The following FBRSL1 variants were observed in gnomAD, a reference collection of about 807,000 sequenced individuals.
FBRSL1 encodes the protein fibrosin like 1, also known as fibrosin-1-like protein.
In FBRSL1, 51 loss-of-function variants were observed where a neutral mutation model predicts 89.6. That is an observed-to-expected ratio of 0.57 (90% CI 0.45 to 0.72). FBRSL1 has a LOEUF of 0.72. Among genes scored for constraint, FBRSL1 ranks in the 30% least tolerant of loss-of-function variants. FBRSL1 has a pLI of 0.00. For missense variants in FBRSL1, 1,618 were observed against 1,451.8 expected (o/e 1.11, Z -1.86); for synonymous variants, 779 against 681.1 (o/e 1.14, Z -2.24).
intron 5 of FBRSL1, among the ~76,000 whole-genome samples, chr12:132,557,039 C>T (rs1241341217): frequency 2.0e-5 from 3 of 152,204 alleles, no homozygotes; most frequent in Non-Finnish European, 4.4e-5. Flanking sequence ...GTTTCCAGGG[C>T]GATCCGGTGT....
Position 132,563,791 on chromosome 12 carries a change from A to G in FBRSL1, c.646-3690A>G, listed in dbSNP as rs1411599682. Among the ~76,000 whole-genome samples, 4 of 43,810 alleles carry G rather than the reference A, an allele frequency of 9.1e-5. No homozygotes were observed. The East Asian group carries it at 4.1e-3, about 45-fold the overall frequency. The allele number at this position is 43,810 out of a possible 152,430, so 28.7% of individuals were successfully genotyped here. A position where few individuals can be genotyped will look rare whatever the true frequency, so the allele number is the denominator to read the frequency against. ...GGCTGACACATACCTACGACTGTACACTCACCCCCGTCGCCCCTGAACCCC... is the reference window on the plus strand; with the variant it reads ...GGCTGACACATACCTACGACTGTACGCTCACCCCCGTCGCCCCTGAACCCC... On this transcript the variant is annotated intron_variant, in intron 5 of 18. Coordinates refer to ENST00000680143, the MANE Select transcript of FBRSL1 (RefSeq NM_001367871.1).
intron 1 of FBRSL1, among the ~76,000 whole-genome samples, chr12:132,496,420 C>T (rs535447557): frequency 2.0e-5 from 3 of 152,294 alleles, no homozygotes; most frequent in African/African-American, 4.8e-5. Flanking sequence ...GCCCGTGTTG[C>T]GTATTTACCC....
chr12:132,508,220 G>A lies in FBRSL1; in HGVS notation c.359G>A (p.Arg120Gln), dbSNP rs545354148. The A allele has an allele frequency of 1.7e-5, 26 of 1,551,178 alleles. No individual in the cohort carries two copies. Among genetic ancestry groups the A allele is most frequent in the East Asian group, 4.9e-5 (2 of 40,908 alleles). The change falls in exon 2 of 19, where the codon CGG becomes CAG. Residue 120 changes from arginine to glutamine, a missense_variant. Arg to Gln is a conservative substitution (Grantham distance 43). Transcript: ENST00000680143. ...GAGCGTCGTCTCATCAAGAAGCCCC[G>A]GGAGTCGGAAACCTGCCCCCCTGCG... is the stretch of plus-strand genomic sequence containing the variant. ...KWERRLIKKP[R>Q]ESETCPPAEP...
In FBRSL1 at chr12:132,576,796, C is replaced by T; in HGVS notation, c.1702-3C>T. ...GCGGCCCTCACCCGTTCTATCCTCC[C>T]AGGAGATGCAGCTGGACCCCCACAA... On this transcript the variant is annotated splice_polypyrimidine_tract_variant and splice_region_variant and intron_variant, in intron 14 of 18. Coordinates refer to ENST00000680143, the MANE Select transcript of FBRSL1 (RefSeq NM_001367871.1). The T allele has an allele frequency of 1.3e-6, 2 of 1,550,656 alleles. No homozygotes were observed. The highest frequency in any genetic ancestry group is 1.7e-6 in the Non-Finnish European group (2 of 1,146,740).
At chr12:132,492,043 T>G (rs2031099321) in intron 1 of FBRSL1, among the ~76,000 whole-genome samples, 1 of 152,180 alleles carries the variant, frequency 6.6e-6, no homozygotes, top group South Asian at 2.1e-4. Context: ...GGGATGGCCC[T>G]GGGGCTGTCT....
intron 4 of FBRSL1, among the ~76,000 whole-genome samples, chr12:132,543,453 GCC>G (rs2037431279): frequency 6.6e-6 from 1 of 152,364 alleles, no homozygotes; most frequent in East Asian, 1.9e-4. Context: ...CAGGGCTGGG[GCC>G]CAGAAGCTGG....
At chr12:132,549,985 G>A (rs1177972132) in intron 5 of FBRSL1, among the ~76,000 whole-genome samples, 1 of 152,222 alleles carries the variant, frequency 6.6e-6, no homozygotes, top group Non-Finnish European at 1.5e-5. Flanking sequence ...ACCAGCTCTG[G>A]GCGGTGTCGG....
chr12:132,517,709 TG>T (rs1246540635), intron 2 of FBRSL1, among the ~76,000 whole-genome samples: 1 of 151,988 alleles, frequency 6.6e-6, no homozygotes, highest in Admixed American at 6.5e-5. Flanking sequence ...CGAGCGGGCA[TG>T]GGGTGGGCAG....
intron 5 of FBRSL1, chr12:132,553,364 T>G (rs2038354204): frequency 6.6e-6 from 1 of 152,190 alleles, no homozygotes; most frequent in African/African-American, 2.4e-5. Flanking sequence ...TTGAGAGGGC[T>G]GGCTCAGTGG....
At position 132,584,062 on chromosome 12, in the gene FBRSL1, T is replaced by C. The variant is rs1002867612; in HGVS notation, c.*284T>C. 2 of 173,034 alleles carry C rather than the reference T, an allele frequency of 1.2e-5. No homozygotes were observed. The highest frequency in any genetic ancestry group is 2.4e-5 in the Non-Finnish European group (2 of 81,860). 10.7% of individuals were successfully genotyped at this position (173,034 alleles called of 1,614,324 possible). A position where few individuals can be genotyped will look rare whatever the true frequency, so the allele number is the denominator to read the frequency against. On this transcript the variant is annotated 3_prime_UTR_variant, in exon 19 of 19. Transcript: ENST00000680143. ...GTATTTTTCTTAATTTTATGCTCTT[T>C]AGACGTTTAAAAGAACCAAAAAAGA...
At chr12:132,520,236 G>A (rs2035232494) in intron 2 of FBRSL1, among the ~76,000 whole-genome samples, 1 of 144,280 alleles carries the variant, frequency 6.9e-6, no homozygotes, top group African/African-American at 2.6e-5. Flanking sequence ...GCACCCTCCA[G>A]CAACCCTCCT....
Position 132,570,237 on chromosome 12 carries a change from C to T in FBRSL1, c.1003C>T (p.Leu335Phe), listed in dbSNP as rs1017129224. The T allele has an allele frequency of 6.7e-7, 1 of 1,493,648 alleles. No individual in the cohort carries two copies. The highest frequency in any genetic ancestry group is 1.3e-5 in the South Asian group (1 of 77,798). The allele number at this position is 1,493,648 out of a possible 1,614,324, so 92.5% of individuals were successfully genotyped here. The change falls in exon 7 of 19, where the codon CTC becomes TTC. Residue 335 changes from leucine to phenylalanine, a missense_variant. By Grantham distance (22) the Leu-to-Phe change is conservative. Coordinates refer to ENST00000680143, the MANE Select transcript of FBRSL1 (RefSeq NM_001367871.1). ...SQAAANGLHG[L>F]SRSSSAPLGL... ...GGCGGCAGCCAACGGCCTGCACGGC[C>T]TCAGGTGGGGTCCCCGCGGGGGACG...
chr12:132,572,293 C>T lies in FBRSL1; in HGVS notation c.1383C>T (p.Asp461=). Residue 461 remains aspartate (D), a synonymous_variant, in exon 10 of 19, where the codon GAC becomes GAT. Transcript: ENST00000680143. ...LACRPRECQF[D]KYAPKLDSPY... is the part of the protein sequence containing the mutation. ...CTCCTCTCCTTCCCTTCCAGTTTGA[C>T]AAGTATGCGCCCAAGCTGGACAGCC... is the stretch of plus-strand genomic sequence containing the variant. The T allele has an allele frequency of 6.4e-7, 1 of 1,551,086 alleles. No individual in the cohort carries two copies. The highest frequency in any genetic ancestry group is 8.7e-7 in the Non-Finnish European group (1 of 1,146,700).
chr12:132,498,694 G>C (rs1016527106), intron 1 of FBRSL1, among the ~76,000 whole-genome samples: 2 of 152,244 alleles, frequency 1.3e-5, no homozygotes, highest in African/African-American at 4.8e-5. Flanking sequence ...CTGGTCAGCA[G>C]GCGGCCCTGC....
At chr12:132,504,185 A>C (rs1328250161) in intron 1 of FBRSL1, among the ~76,000 whole-genome samples, 1 of 151,972 alleles carries the variant, frequency 6.6e-6, no homozygotes, top group Non-Finnish European at 1.5e-5. Context: ...GGGCGTGGCC[A>C]CCTGGCTGCA....
At chr12:132,516,421 G>A (rs1019778961) in intron 2 of FBRSL1, among the ~76,000 whole-genome samples, 3 of 152,130 alleles carry the variant, frequency 2.0e-5, no homozygotes, top group African/African-American at 4.8e-5. Flanking sequence ...CTGACCTCAG[G>A]TGATCCACCC....
rs546464905 is a variant in FBRSL1 at position 132,519,661 on chromosome 12, A to T, written c.490-6073A>T. Among the ~76,000 whole-genome samples, 15 of 152,360 alleles carry T rather than the reference A, an allele frequency of 9.8e-5. No individual in the cohort carries two copies. In the South Asian group the frequency reaches 3.1e-3, roughly 32 times the overall value. ...CGCGGTGGCTCACGCCTGTAATCCC[A>T]GCACTTTGGGAGGCCAAGGCAAATG... On this transcript the variant is annotated intron_variant, in intron 2 of 18. Coordinates refer to ENST00000680143, the MANE Select transcript of FBRSL1 (RefSeq NM_001367871.1).
intron 4 of FBRSL1, among the ~76,000 whole-genome samples, chr12:132,531,320 G>C (rs939755477): frequency 6.6e-6 from 1 of 152,178 alleles, no homozygotes; most frequent in African/African-American, 2.4e-5. Context: ...TGAGGCCTCA[G>C]ACTCCTGGGT....
rs1186980084 is a variant in FBRSL1 at position 132,528,001 on chromosome 12, G to A, written c.615+13G>A. ...GAGAGGCTACTCTGTAAGTCTCCCA[G>A]CACCCCTCCTCCATCTTTGTCCCCC... On this transcript the variant is annotated intron_variant, in intron 4 of 18. Transcript: ENST00000680143. 2 of 1,550,992 alleles carry A rather than the reference G, an allele frequency of 1.3e-6. No homozygotes were observed. Among genetic ancestry groups the A allele is most frequent in the Admixed American group, 2.0e-5 (1 of 50,960 alleles).
Sources: gnomAD v4.1 joint callset for allele counts (sites outside exome capture counted in the v4.1 genomes callset) on GRCh38, gnomAD v4.1.1 for gene constraint, MANE v1.5 for transcripts, NCBI Gene and HGNC (gene_info 2026-07-23, HGNC 2026-07-21) for gene names.